Variants in ABCA2 observed in about 807,000 individuals in gnomAD.
ABCA2 encodes ATP-binding cassette sub-family A member 2.
In ABCA2, 84 loss-of-function variants were observed where a neutral mutation model predicts 262.8. That is an observed-to-expected ratio of 0.32 (90% CI 0.27 to 0.38). The LOEUF (loss-of-function observed/expected upper bound fraction) is 0.38. Among genes scored for constraint, ABCA2 ranks in the 10% least tolerant of loss-of-function variants. The probability of loss-of-function intolerance (pLI) is 1.00; values close to 1 mark genes in which losing one functional copy is unlikely to be tolerated. For missense variants in ABCA2, 2,662 were observed against 3,405.9 expected, an observed-to-expected ratio of 0.78 and a Z score of 5.44; for synonymous variants, 1,696 against 1,502.9, an observed-to-expected ratio of 1.13 and a Z score of -2.97.
Position 137,007,775 on chromosome 9 carries a change from G to A in ABCA2, c.*154C>T, listed in dbSNP as rs780743881. The A allele has an allele frequency of 2.4e-5, 26 of 1,066,678 alleles. No homozygotes were observed. The highest frequency in any genetic ancestry group is 2.9e-4 in the Middle Eastern group (1 of 3,396). 66.1% of individuals were successfully genotyped at this position (1,066,678 alleles called of 1,614,324 possible). A position where few individuals can be genotyped will look rare whatever the true frequency, so the allele number is the denominator to read the frequency against. ...ACCGCAGTGACCACAGGGCATGGCCGAGTACAGGGGCTGGAGGACCAGAAG... is the reference window on the plus strand; with the variant it reads ...ACCGCAGTGACCACAGGGCATGGCCAAGTACAGGGGCTGGAGGACCAGAAG... On this transcript the variant is annotated 3_prime_UTR_variant, in exon 49 of 49. Transcript: ENST00000341511.
rs745322114 is a variant in ABCA2, at chr9:137,018,897, G to A, written c.1722+6C>T. 8.1e-6 allele frequency: 13 copies of A among 1,612,024 alleles called. No individual in the cohort carries two copies. Among genetic ancestry groups the A allele is most frequent in the East Asian group, 2.2e-5 (1 of 44,864 alleles). ...CGTGGGTTGGCTCGGAGGCCCCACC[G>A]CTCACCTTGGACATGAACTGGATCC... On this transcript the variant is annotated splice_donor_region_variant and intron_variant, in intron 12 of 48. Coordinates refer to ENST00000341511, the MANE Select transcript of ABCA2 (RefSeq NM_001606.5).
intron 1 of ABCA2, among the ~76,000 whole-genome samples, chr9:137,025,851 G>A (rs1174458210): frequency 6.6e-6 from 1 of 152,216 alleles, no homozygotes; most frequent in African/African-American, 2.4e-5. Flanking sequence ...GTCCTGGCTG[G>A]CAGGCGGCGG....
intron 21 of ABCA2, 23 bp from the exon 22 acceptor site, chr9:137,016,197 G>A (rs745581164): frequency 3.4e-5 from 54 of 1,611,732 alleles, no homozygotes; most frequent in African/African-American, 5.3e-5. Context: ...GCGGGGTCAT[G>A]ACCCCACGCC....
At chr9:137,010,552 G>A in intron 40 of ABCA2, 68 bp downstream of exon 40, 4 of 1,527,214 alleles carry the variant, frequency 2.6e-6, no homozygotes, top group Non-Finnish European at 3.6e-6. Flanking sequence ...CACCTCCACT[G>A]CTGGGGCCCC....
Position 137,021,694 on chromosome 9 carries a change from C to CCA in ABCA2, c.679-86_679-85dup. 7.0e-7 allele frequency: 1 copy of CCA among 1,431,558 alleles called. No homozygotes were observed. Among genetic ancestry groups the CCA allele is most frequent in the East Asian group, 2.5e-5 (1 of 40,108 alleles). The allele number at this position is 1,431,558 out of a possible 1,614,324, so 88.7% of individuals were successfully genotyped here. On this transcript the variant is annotated intron_variant, in intron 7 of 48. Transcript: ENST00000341511. This position sits in a 1 kb window ranked among gnomAD's most constrained non-coding sequence, Gnocchi z 6.0. ...GGCCTCAGGCCTCACCCTGCCCCAC[C>CCA]CACTGGCTGGCTCTGGGGCTGCCTG... is the stretch of plus-strand genomic sequence containing the variant.
At chr9:137,020,594 A>G (rs1486757949) in intron 9 of ABCA2, 99 bp from the exon 10 acceptor site, 2 of 1,551,782 alleles carry the variant, frequency 1.3e-6, no homozygotes, top group Non-Finnish European at 1.7e-6. Context: ...GGCACAGGGC[A>G]GGGCGCCAAA....
In ABCA2 at chr9:137,014,927, C is replaced by A; in HGVS notation, c.3868G>T (p.Glu1290Ter). 6.4e-7 allele frequency: 1 copy of A among 1,567,342 alleles called. No individual in the cohort carries two copies. Among genetic ancestry groups the A allele is most frequent in the Non-Finnish European group, 8.7e-7 (1 of 1,153,462 alleles). Residue 1290 changes from glutamate (E) to a stop codon, truncating the protein, a stop_gained, in exon 25 of 49, where the codon GAG becomes TAG. Coordinates refer to ENST00000341511, the MANE Select transcript of ABCA2 (RefSeq NM_001606.5). LOFTEE classifies it high-confidence loss of function. The stretch of plus-strand genomic sequence containing the variant: ...CGCCCTCACACCTGGAAGAGGCGCT[C>A]GAAAGCCCCCTTCTTGGCGGCCTCG... ...PSEAAKKGAF[E>*]RLFQHLERSL...
chr9:137,010,427 G>GCCCCCC, intron 40 of ABCA2, 56 bp from the exon 41 acceptor site: 3 of 1,518,398 alleles, frequency 2.0e-6, no homozygotes, highest in Non-Finnish European at 8.8e-7. Context: ...TGCCCCTCTG[G>GCCCCCC]CCCCACCCCA....
chr9:137,028,770 A>G (rs1034208479), upstream of ABCA2: 14 of 1,287,590 alleles, frequency 1.1e-5, no homozygotes, highest in Non-Finnish European at 1.4e-5. The surrounding 1 kb of genome is among the most constrained non-coding windows in gnomAD (Gnocchi z 6.9). Flanking sequence ...CCGAGCAGCC[A>G]GCGGAAGGGG....
rs1784788625 is a variant in ABCA2, at chr9:137,020,984, C to T, written c.975G>A (p.Gly325=). The change falls in exon 9 of 49, where the codon GGG becomes GGA. Residue 325 remains glycine, a synonymous_variant. Coordinates refer to ENST00000341511, the MANE Select transcript of ABCA2 (RefSeq NM_001606.5). The part of the protein sequence containing the change: ...PPPRRLQALL[G]DLLDAQKVLQ... ...GAACCTTCTGGGCATCCAGCAGGTC[C>T]CCCAGAAGCGCCTGCAGCCTCCGTG... The T allele has an allele frequency of 2.6e-6, 4 of 1,529,808 alleles. No homozygotes were observed. Among genetic ancestry groups the T allele is most frequent in the African/African-American group, 2.8e-5 (2 of 72,562 alleles). The allele number at this position is 1,529,808 out of a possible 1,614,324, so 94.8% of individuals were successfully genotyped here.
At position 137,008,989 on chromosome 9, in the gene ABCA2, G is replaced by T. The variant is rs747266171; in HGVS notation, c.6892C>A (p.Arg2298=). 1.3e-6 allele frequency: 2 copies of T among 1,591,046 alleles called. No homozygotes were observed. Among genetic ancestry groups the T allele is most frequent in the South Asian group, 1.1e-5 (1 of 90,382 alleles). Residue 2298 remains arginine (R), a synonymous_variant, in exon 46 of 49, where the codon CGG becomes AGG. Coordinates refer to ENST00000341511, the MANE Select transcript of ABCA2 (RefSeq NM_001606.5). The part of the protein sequence containing the change: ...KSSQSVKDVV[R]FFNRNFPEAM... ...TCCGGGAAGTTGCGGTTGAAGAACC[G>T]CACCACGTCCTTCACACTCTGGCTG... is the stretch of plus-strand genomic sequence containing the variant.
Position 137,008,721 on chromosome 9 carries a change from G to A in ABCA2, c.7068+10C>T. 6.4e-7 allele frequency: 1 copy of A among 1,573,406 alleles called. No homozygotes were observed. The highest frequency in any genetic ancestry group is 8.6e-7 in the Non-Finnish European group (1 of 1,160,446). The stretch of plus-strand genomic sequence containing the variant: ...GCAGGTGTGGTGCGCAGTGCCCTTG[G>A]GGCGCTCACATTGTCCAGTGTGGTC... On this transcript the variant is annotated intron_variant, in intron 47 of 48. Transcript: ENST00000341511.
At chr9:137,023,421 G>C in intron 3 of ABCA2, 1 of 710,770 alleles carries the variant, frequency 1.4e-6, no homozygotes, top group African/African-American at 1.7e-5. Flanking sequence ...ACCCCCTCTG[G>C]GCAGTGACCT....
Position 137,012,471 on chromosome 9 carries a change from G to A in ABCA2, c.5187+14C>T, listed in dbSNP as rs368836544. 30 of 1,610,512 alleles carry A rather than the reference G, an allele frequency of 1.9e-5. No homozygotes were observed. The highest frequency in any genetic ancestry group is 1.6e-4 in the Middle Eastern group (1 of 6,080). On this transcript the variant is annotated intron_variant, in intron 32 of 48. Coordinates refer to ENST00000341511, the MANE Select transcript of ABCA2 (RefSeq NM_001606.5). ...GCTACACACAGCGGGGCCCAGGCCC[G>A]CAGCCTCGCTCACCTGGGCAGCCCT...
chr9:137,028,320 C>A (rs1831733504), upstream of ABCA2: 1 of 944,182 alleles, frequency 1.1e-6, no homozygotes, highest in Non-Finnish European at 1.3e-6. The surrounding 1 kb of genome is among the most constrained non-coding windows in gnomAD (Gnocchi z 6.9). Context: ...TCTGCCCGCG[C>A]CCCGCCCGCC....
rs780883713 is a variant in ABCA2 at position 137,007,901 on chromosome 9, G to A, written c.*28C>T. The A allele has an allele frequency of 1.9e-5, 31 of 1,603,828 alleles. No homozygotes were observed. Among genetic ancestry groups the A allele is most frequent in the Non-Finnish European group, 2.5e-5 (29 of 1,179,308 alleles). ...CCCAGCTCTGGGTGGTCAGTGGAGC[G>A]TGTCCTCCCTGGCCCAGCTCTGGGT... On this transcript the variant is annotated 3_prime_UTR_variant, in exon 49 of 49. Coordinates refer to ENST00000341511, the MANE Select transcript of ABCA2 (RefSeq NM_001606.5).
chr9:137,019,105 C>A lies in ABCA2; in HGVS notation c.1555-35G>T. 1 of 1,601,678 alleles carries A rather than the reference C, an allele frequency of 6.2e-7. No individual in the cohort carries two copies. On this transcript the variant is annotated intron_variant, in intron 11 of 48. Transcript: ENST00000341511. This position sits in a 1 kb window ranked among gnomAD's most constrained non-coding sequence, Gnocchi z 4.4. ...GAGGGGCGGCTCAGAGGGGGACCTG[C>A]GCCTGCCGAGCCGGGCAGAGAGGGG... is the stretch of plus-strand genomic sequence containing the variant.
intron 47 of ABCA2, 50 bp downstream of exon 47, chr9:137,008,681 C>A: frequency 3.5e-6 from 1 of 289,040 alleles, no homozygotes; most frequent in Non-Finnish European, 6.2e-6. Context: ...AGGGGCAGGG[C>A]GGGTGAGGGG....
rs1830882853 is a variant in ABCA2, at chr9:137,007,726, C to T, written c.*203G>A. 1 of 708,484 alleles carries T rather than the reference C, an allele frequency of 1.4e-6. No individual in the cohort carries two copies. The highest frequency in any genetic ancestry group is 2.4e-6 in the Non-Finnish European group (1 of 420,978). The allele number at this position is 708,484 out of a possible 1,614,324, so 43.9% of individuals were successfully genotyped here. On this transcript the variant is annotated 3_prime_UTR_variant, in exon 49 of 49. Coordinates refer to ENST00000341511, the MANE Select transcript of ABCA2 (RefSeq NM_001606.5). ...GTGTACGCAGCCCGGGCCGGGTCAG[C>T]CTTTGGCACAATTAGGGGCGGCAAC...
Sources: allele counts gnomAD v4.1 joint callset (sites outside exome capture counted in the v4.1 genomes callset), GRCh38; gene constraint gnomAD v4.1.1; non-coding constraint Gnocchi (gnomAD v3.1); transcripts MANE v1.5; gene names NCBI Gene and HGNC (gene_info 2026-07-23, HGNC 2026-07-21).